TCF20: variants seen among roughly 807,000 people sequenced by gnomAD.
The protein encoded by TCF20 is SPRE-binding protein.
A neutral mutation model predicts 148.6 loss-of-function variants in TCF20; 3 were observed. The observed-to-expected ratio is 0.02, with a 90% CI of 0.01 to 0.05. The LOEUF is 0.05. Among genes scored for constraint, TCF20 ranks in the 10% least tolerant of loss-of-function variants. TCF20 has a pLI of 1.00. For missense variants in TCF20, 2,350 were observed against 2,429.3 expected, an observed-to-expected ratio of 0.97 and a Z score of 0.69; for synonymous variants, 1,049 against 909.5, an observed-to-expected ratio of 1.15 and a Z score of -2.76.
intron 1 of TCF20, among the ~76,000 whole-genome samples, chr22:42,219,504 T>C (rs746667449): frequency 2.0e-5 from 3 of 150,800 alleles, no homozygotes; most frequent in Non-Finnish European, 4.4e-5. Context: ...TGAATACAAA[T>C]AGTAAGGAAA....
At chr22:42,199,121 G>A (rs1399233000) in intron 2 of TCF20, among the ~76,000 whole-genome samples, 1 of 152,110 alleles carries the variant, frequency 6.6e-6, no homozygotes, top group African/African-American at 2.4e-5. Flanking sequence ...CAGGATTGCG[G>A]CATTCTTCTA....
chr22:42,335,556 A>G (rs1049672134), intron 1 of TCF20, among the ~76,000 whole-genome samples: 1 of 152,232 alleles, frequency 6.6e-6, no homozygotes, highest in African/African-American at 2.4e-5. Flanking sequence ...CTGAATGAAT[A>G]CTGACTGGCA....
intron 1 of TCF20, chr22:42,343,408 T>C (rs1350578463): frequency 6.6e-6 from 1 of 151,902 alleles, no homozygotes; most frequent in Admixed American, 6.6e-5. Context: ...ACGCGGATGC[T>C]GGGCGGGCAT....
At chr22:42,248,867 T>A (rs1325145021) in intron 1 of TCF20, among the ~76,000 whole-genome samples, 1 of 152,214 alleles carries the variant, frequency 6.6e-6, no homozygotes, top group Admixed American at 6.5e-5. Context: ...GGGTACCAAG[T>A]TGCCGAGGAT....
intron 1 of TCF20, among the ~76,000 whole-genome samples, chr22:42,305,710 C>T (rs984407533): frequency 1.3e-5 from 2 of 152,196 alleles, no homozygotes; most frequent in African/African-American, 4.8e-5. Flanking sequence ...TCTCCACACC[C>T]CTGGCCTGAC....
At chr22:42,247,437 C>T (rs1478541988) in intron 1 of TCF20, among the ~76,000 whole-genome samples, 2 of 107,330 alleles carry the variant, frequency 1.9e-5, no homozygotes, top group Admixed American at 9.1e-5. Flanking sequence ...GAGACTCCAT[C>T]TCAAAAAAAA....
In TCF20 at chr22:42,339,916, AG is replaced by A. The variant is rs556001129; in HGVS notation, c.-37+3562del. Among the ~76,000 whole-genome samples the A allele has an allele frequency of 1.2e-4, 19 of 152,296 alleles. No individual in the cohort carries two copies. In the South Asian group the frequency reaches 3.9e-3, roughly 32 times the overall value. ...ATCCCAGGATGCACGAAAGAGTTTT[AG>A]GGTGGGAGACAAGAATGGGCCTGGG... is the stretch of plus-strand genomic sequence containing the variant. On this transcript the variant is annotated intron_variant, in intron 1 of 1. Transcript: ENST00000515426.
chr22:42,330,565 A>T (rs1927955999), intron 1 of TCF20, among the ~76,000 whole-genome samples: 1 of 152,234 alleles, frequency 6.6e-6, no homozygotes, highest in South Asian at 2.1e-4. Flanking sequence ...AACTCCACGA[A>T]TGCAGAACAG....
Position 42,210,801 on chromosome 22 carries a change from A to G in TCF20, c.4505T>C (p.Ile1502Thr). 2 of 1,614,134 alleles carry G rather than the reference A, an allele frequency of 1.2e-6. No homozygotes were observed. Among genetic ancestry groups the G allele is most frequent in the African/African-American group, 1.3e-5 (1 of 75,014 alleles). ...CTTGGGGTTTGCCTCAGGGGCCAAT[A>G]TGCCCACTGGAGGTACATTCTTTGA... ...PDSKNVPPVG[I>T]LAPEANPKAE... The change falls in exon 2 of 6, where the codon ATA (isoleucine) becomes ACA (threonine). Residue 1502 changes from isoleucine (I) to threonine (T), a missense_variant. By Grantham distance (89) the Ile-to-Thr change is moderately conservative. Around this residue, in one of 7 missense-constraint regions of TCF20, gnomAD observed 231 missense variants for 213.7 expected, o/e 1.08. Coordinates refer to ENST00000677622, the MANE Select transcript of TCF20 (RefSeq NM_001378418.1). This position sits in a 1 kb window ranked among gnomAD's most constrained non-coding sequence, Gnocchi z 4.7.
At position 42,214,830 on chromosome 22, in the gene TCF20, G is replaced by C; in HGVS notation, c.476C>G (p.Pro159Arg). 1 of 1,614,074 alleles carries C rather than the reference G, an allele frequency of 6.2e-7. No homozygotes were observed. The highest frequency in any genetic ancestry group is 2.2e-5 in the East Asian group (1 of 44,880). Residue 159 changes from proline (P) to arginine (R), a missense_variant, in exon 2 of 6, where the codon CCT (proline) becomes CGT (arginine). Transcript: ENST00000677622. ...GTACTGAGCACTCCCTGGAGAGAAA[G>C]GCCCAGTGTAATCCTGCTGATAATG... ...VSHYQQDYTG[P>R]FSPGSAQYQQ...
At chr22:42,261,692 C>T (rs997333337) in intron 1 of TCF20, among the ~76,000 whole-genome samples, 1 of 152,108 alleles carries the variant, frequency 6.6e-6, no homozygotes, top group South Asian at 2.1e-4. Context: ...GCTATGGATA[C>T]AGGAAACAGT....
intron 1 of TCF20, among the ~76,000 whole-genome samples, chr22:42,266,810 T>C (rs1926311612): frequency 6.6e-6 from 1 of 152,082 alleles, no homozygotes; most frequent in African/African-American, 2.4e-5. Flanking sequence ...ATACCACTAC[T>C]AGGTTATGGA....
At chr22:42,201,943 T>G (rs974794771) in intron 2 of TCF20, among the ~76,000 whole-genome samples, 2 of 152,186 alleles carry the variant, frequency 1.3e-5, no homozygotes, top group African/African-American at 4.8e-5. Context: ...TTTTGAGAGA[T>G]ATAATTCCTG....
At position 42,214,355 on chromosome 22, in the gene TCF20, T is replaced by TTGCTGC. The variant is rs767100749; in HGVS notation, c.945_950dup (p.Gln316_Gln317dup). ...GAGAAGGGTGTTGTTGTTGCTGCGG[T>TTGCTGC]TGCTGCTGCTGCTGCCCCTGTTGGG... On this transcript the variant is annotated inframe_insertion, in exon 2 of 6. Coordinates refer to ENST00000677622, the MANE Select transcript of TCF20 (RefSeq NM_001378418.1). The TTGCTGC allele has an allele frequency of 2.5e-6, 4 of 1,614,222 alleles. No homozygotes were observed. The South Asian group carries it at 4.4e-5, about 18-fold the overall frequency.
chr22:42,162,745 C>T (rs929257882), intron 5 of TCF20, among the ~76,000 whole-genome samples: 7 of 152,208 alleles, frequency 4.6e-5, no homozygotes, highest in Non-Finnish European at 1.0e-4. Context: ...ACCCAAGTGT[C>T]ACCAGCCCTT....
At position 42,279,532 on chromosome 22, in the gene TCF20, TAAGCTCCTG is replaced by T. The variant is rs1216554260; in HGVS notation, c.-37+4286_-37+4294del. Among the ~76,000 whole-genome samples, 1 of 152,178 alleles carries T rather than the reference TAAGCTCCTG, an allele frequency of 6.6e-6. No individual in the cohort carries two copies. The highest frequency in any genetic ancestry group is 1.5e-5 in the Non-Finnish European group (1 of 68,018). On this transcript the variant is annotated intron_variant, in intron 1 of 5. Transcript: ENST00000359486. The surrounding 1 kb of genome is among the most constrained non-coding windows in gnomAD (Gnocchi z 4.3). ...GCAATGTGACCTTCGGCAAGCTCCC[TAAGCTCCTG>T]AAGCCTCAGCCTTTTCACCCGTAGA...
At chr22:42,230,931 G>A (rs2147276214) in intron 1 of TCF20, among the ~76,000 whole-genome samples, 1 of 152,246 alleles carries the variant, frequency 6.6e-6, no homozygotes, top group African/African-American at 2.4e-5. Context: ...GGCCAAGGTG[G>A]GTGGATCACA....
chr22:42,213,158 G>A lies in TCF20; in HGVS notation c.2148C>T (p.Ala716=), dbSNP rs780618428. The change falls in exon 2 of 6, where the codon GCC becomes GCT. Residue 716 remains alanine, a synonymous_variant. Transcript: ENST00000677622. ...RYSYKDSFGS[A]VPRNVSGFPQ... Reference sequence around the variant, plus strand: ...GAAAGCCACTGACATTTCGTGGCACGGCTGACCCGAAACTATCTTTGTAAC... The same window carrying A: ...GAAAGCCACTGACATTTCGTGGCACAGCTGACCCGAAACTATCTTTGTAAC... 8.7e-6 allele frequency: 14 copies of A among 1,614,008 alleles called. No individual in the cohort carries two copies. The highest frequency in any genetic ancestry group is 2.7e-5 in the African/African-American group (2 of 74,898).
Position 42,215,138 on chromosome 22 carries a change from ACCACTGCCACTG to A in TCF20, c.156_167del (p.Ser53_Gly56del). 1 of 1,613,738 alleles carries A rather than the reference ACCACTGCCACTG, an allele frequency of 6.2e-7. No individual in the cohort carries two copies. The highest frequency in any genetic ancestry group is 1.3e-5 in the African/African-American group (1 of 75,010). On this transcript the variant is annotated inframe_deletion, in exon 2 of 6. Coordinates refer to ENST00000677622, the MANE Select transcript of TCF20 (RefSeq NM_001378418.1). ...CAGCTGCTGCTCCTCGTCGTCCACC[ACCACTGCCACTG>A]CCACTGCTGCCACTACTGCCACCTG...
Sources: gnomAD v4.1 joint callset for allele counts (sites outside exome capture counted in the v4.1 genomes callset) on GRCh38, gnomAD v4.1.1 for gene constraint, gnomAD v4.1.1 regional missense constraint, Gnocchi (gnomAD v3.1) non-coding constraint, MANE v1.5 for transcripts, NCBI Gene and HGNC (gene_info 2026-07-23, HGNC 2026-07-21) for gene names.